GALNTL6: variants seen among roughly 807,000 people sequenced by gnomAD.
GALNTL6 encodes the protein polypeptide N-acetylgalactosaminyltransferase-like 6.
GALNTL6 carries 46 observed loss-of-function variants against 73.7 expected under a neutral mutation model. That is an observed-to-expected ratio of 0.62 (90% CI 0.49 to 0.80). The LOEUF (loss-of-function observed/expected upper bound fraction) is 0.80, where lower values mean the gene tolerates loss of function less well. Among genes scored for constraint, GALNTL6 ranks in the 30% least tolerant of loss-of-function variants. GALNTL6 has a pLI of 0.00. For missense variants in GALNTL6, 604 were observed against 755.0 expected, an observed-to-expected ratio of 0.80 and a Z score of 2.34; for synonymous variants, 259 against 263.7, an observed-to-expected ratio of 0.98 and a Z score of 0.17.
chr4:172,832,209 C>T (rs1434562073), intron 7 of GALNTL6, among the ~76,000 whole-genome samples: 1 of 152,150 alleles, frequency 6.6e-6, no homozygotes, highest in East Asian at 1.9e-4. Flanking sequence ...CTGTCTGACT[C>T]CACTCTCTGC....
At chr4:172,074,366 G>A (rs897693403) in intron 2 of GALNTL6, among the ~76,000 whole-genome samples, 4 of 152,132 alleles carry the variant, frequency 2.6e-5, no homozygotes, top group African/African-American at 9.7e-5. Context: ...ACCTTGTGGG[G>A]AGAAGGAATT....
intron 5 of GALNTL6, among the ~76,000 whole-genome samples, chr4:172,755,172 G>A (rs1737675630): frequency 6.6e-6 from 1 of 151,856 alleles, no homozygotes; most frequent in African/African-American, 2.4e-5. Context: ...TTTAAGGATT[G>A]AATCATTCAA....
intron 2 of GALNTL6, among the ~76,000 whole-genome samples, chr4:171,999,057 G>A (rs1164094568): frequency 4.6e-5 from 7 of 152,128 alleles, no homozygotes; most frequent in East Asian, 1.9e-4. Flanking sequence ...CTCAGGAAAC[G>A]TCTTTTGGTA....
In GALNTL6 at chr4:172,403,459, C is replaced by T. The variant is rs552504735; in HGVS notation, c.553+54770C>T. Among the ~76,000 whole-genome samples the T allele has an allele frequency of 5.9e-5, 9 of 152,068 alleles. No individual in the cohort carries two copies. In the East Asian group the frequency reaches 7.7e-4, roughly 13 times the overall value. ...AAGTTCTAAATCTTTCATGAACTAA[C>T]GTATCAAATAAACTTTTTAAATAAA... On this transcript the variant is annotated intron_variant, in intron 5 of 12. Transcript: ENST00000506823.
chr4:172,572,545 T>A (rs1274915943), intron 5 of GALNTL6, among the ~76,000 whole-genome samples: 1 of 152,080 alleles, frequency 6.6e-6, no homozygotes, highest in Non-Finnish European at 1.5e-5. Flanking sequence ...TTGTCATCAG[T>A]TTTTTACATA....
At chr4:171,967,914 T>C (rs1267434215) in intron 2 of GALNTL6, among the ~76,000 whole-genome samples, 1 of 152,146 alleles carries the variant, frequency 6.6e-6, no homozygotes, top group African/African-American at 2.4e-5. Flanking sequence ...CCCCAGAAAT[T>C]GGAGGCTTTT....
rs1214667324 is a variant in GALNTL6 at position 172,293,429 on chromosome 4, A to G, written c.248-18185A>G. ...TTTAAATATGATTATATATGCATTA[A>G]TGACTCAATACAATGAAAAACCTCA... On this transcript the variant is annotated intron_variant, in intron 3 of 12. Transcript: ENST00000506823. Among the ~76,000 whole-genome samples the G allele has an allele frequency of 2.6e-5, 3 of 115,790 alleles. No individual in the cohort carries two copies. In the East Asian group the frequency reaches 7.9e-4, roughly 30 times the overall value. 76.0% of individuals were successfully genotyped at this position (115,790 alleles called of 152,430 possible).
chr4:172,621,628 A>G (rs1738960862), intron 5 of GALNTL6, among the ~76,000 whole-genome samples: 1 of 152,066 alleles, frequency 6.6e-6, no homozygotes, highest in Admixed American at 6.6e-5. Flanking sequence ...GTTTTAAAGT[A>G]TTTTTCTTAG....
intron 2 of GALNTL6, among the ~76,000 whole-genome samples, chr4:171,906,322 A>C (rs1737276361): frequency 6.6e-6 from 1 of 151,498 alleles, no homozygotes; most frequent in Non-Finnish European, 1.5e-5. Flanking sequence ...ATCACCACCG[A>C]TCCCACAGAA....
intron 8 of GALNTL6, among the ~76,000 whole-genome samples, chr4:172,924,304 A>G (rs1747936836): frequency 6.6e-6 from 1 of 152,118 alleles, no homozygotes. Flanking sequence ...TTCTCCTAAG[A>G]CTATAAACGA....
chr4:172,099,468 T>C (rs1217207305), intron 2 of GALNTL6, among the ~76,000 whole-genome samples: 1 of 152,180 alleles, frequency 6.6e-6, no homozygotes, highest in Non-Finnish European at 1.5e-5. Context: ...ACCATGTCAA[T>C]GTAGCCTTTT....
At chr4:172,361,466 A>C (rs536466226) in intron 5 of GALNTL6, among the ~76,000 whole-genome samples, 1 of 152,258 alleles carries the variant, frequency 6.6e-6, no homozygotes, top group Admixed American at 6.5e-5. Context: ...ACAAAACAAC[A>C]ACAACAAATG....
intron 5 of GALNTL6, among the ~76,000 whole-genome samples, chr4:172,589,509 G>T (rs1737552761): frequency 6.6e-6 from 1 of 152,154 alleles, no homozygotes; most frequent in Non-Finnish European, 1.5e-5. Flanking sequence ...AGACTAACAT[G>T]ATGAGGCTCT....
At position 172,490,936 on chromosome 4, in the gene GALNTL6, C is replaced by T. The variant is rs533679232; in HGVS notation, c.553+142247C>T. Among the ~76,000 whole-genome samples, 7 of 152,210 alleles carry T rather than the reference C, an allele frequency of 4.6e-5. No homozygotes were observed. In the East Asian group the frequency reaches 1.4e-3, roughly 29 times the overall value. ...GTATTTATGAAGCACATATCTCTCC[C>T]ATATGCCAAGCAAGGAGATGGGGCT... On this transcript the variant is annotated intron_variant, in intron 5 of 12. Coordinates refer to ENST00000506823, the MANE Select transcript of GALNTL6 (RefSeq NM_001034845.3).
chr4:172,376,906 T>G (rs910628379), intron 5 of GALNTL6, among the ~76,000 whole-genome samples: 2 of 152,116 alleles, frequency 1.3e-5, no homozygotes, highest in African/African-American at 4.8e-5. Context: ...GTTTCTTCCT[T>G]CTGTTGGGTT....
chr4:172,327,003 C>T (rs892144274), intron 4 of GALNTL6, among the ~76,000 whole-genome samples: 24 of 151,850 alleles, frequency 1.6e-4, no homozygotes, highest in Admixed American at 5.3e-4. Context: ...TATTTTGCTT[C>T]TATTTATATT....
chr4:173,037,246 T>A (rs1185835140), intron 12 of GALNTL6, among the ~76,000 whole-genome samples: 1 of 152,192 alleles, frequency 6.6e-6, no homozygotes, highest in East Asian at 1.9e-4. Context: ...CACCTCGTCA[T>A]TTGTCTCTGT....
At chr4:172,127,381 T>G (rs568543747) in intron 2 of GALNTL6, among the ~76,000 whole-genome samples, 1 of 152,158 alleles carries the variant, frequency 6.6e-6, no homozygotes, top group Non-Finnish European at 1.5e-5. Flanking sequence ...ACTACCACCA[T>G]AGCAGGCACA....
At chr4:172,036,446 A>G (rs886773019) in intron 2 of GALNTL6, among the ~76,000 whole-genome samples, 3 of 152,142 alleles carry the variant, frequency 2.0e-5, no homozygotes, top group Non-Finnish European at 4.4e-5. Context: ...AGTGTATATT[A>G]TCTCATTGTA....
Sources: allele counts gnomAD v4.1 joint callset (sites outside exome capture counted in the v4.1 genomes callset), GRCh38; gene constraint gnomAD v4.1.1; transcripts MANE v1.5; gene names NCBI Gene and HGNC (gene_info 2026-07-23, HGNC 2026-07-21).